Variants in SNX29 observed in about 807,000 individuals in gnomAD.
SNX29 encodes sorting nexin 29, also known as sorting nexin-29.
Under a neutral mutation model 102.1 loss-of-function variants are expected in SNX29, and 78 were observed. The observed-to-expected ratio is 0.76, with a 90% CI of 0.64 to 0.92. The LOEUF is 0.92. Ranked by LOEUF, SNX29 falls within the 40% of genes least tolerant of loss-of-function variation. The probability of loss-of-function intolerance (pLI) is 0.00; values close to 1 mark genes in which losing one functional copy is unlikely to be tolerated. For synonymous variants in SNX29, 580 were observed against 414.5 expected (o/e 1.40, Z -4.85); for missense variants, 1,280 against 1,061.7 (o/e 1.21, Z -2.86).
chr16:12,442,326 A>G (rs1223028601), intron 18 of SNX29, among the ~76,000 whole-genome samples: 1 of 152,108 alleles, frequency 6.6e-6, no homozygotes, highest in Non-Finnish European at 1.5e-5. Flanking sequence ...ACTCTGGCTT[A>G]TTAGGACGTC....
chr16:12,215,971 T>G (rs2077313478), intron 14 of SNX29, among the ~76,000 whole-genome samples: 2 of 152,166 alleles, frequency 1.3e-5, no homozygotes, highest in African/African-American at 2.4e-5. Flanking sequence ...TTTGGTGGTC[T>G]TTGCTGCCTT....
chr16:12,414,007 G>A (rs1339419381), intron 18 of SNX29, among the ~76,000 whole-genome samples: 2 of 152,190 alleles, frequency 1.3e-5, no homozygotes, highest in Non-Finnish European at 2.9e-5. Context: ...TCCTGTAGAT[G>A]CTAAGTCATC....
chr16:12,127,120 G>A (rs1219278927), intron 12 of SNX29, among the ~76,000 whole-genome samples: 55 of 151,832 alleles, frequency 3.6e-4, no homozygotes, highest in African/African-American at 1.3e-3. Flanking sequence ...TTAGCTGGGC[G>A]TGGTGCTGCG....
chr16:12,517,571 T>TC (rs145691762), intron 19 of SNX29, among the ~76,000 whole-genome samples: 1,773 of 152,274 alleles, frequency 0.012, 33 homozygotes, highest in African/African-American at 0.04. Flanking sequence ...CCTAATTTTA[T>TC]CCCAACAGGT....
chr16:12,432,933 G>A (rs776279711), intron 18 of SNX29, among the ~76,000 whole-genome samples: 47 of 152,334 alleles, frequency 3.1e-4, no homozygotes, highest in Non-Finnish European at 4.3e-4. Flanking sequence ...TTGGTGGACC[G>A]GACCTGGTGC....
At chr16:12,455,239 G>A (rs1042599841) in intron 18 of SNX29, among the ~76,000 whole-genome samples, 1 of 152,154 alleles carries the variant, frequency 6.6e-6, no homozygotes, top group African/African-American at 2.4e-5. Flanking sequence ...GATTTGGGTG[G>A]CAAGTTAGAG....
chr16:12,437,840 C>G (rs572682913), intron 18 of SNX29, among the ~76,000 whole-genome samples: 3 of 152,324 alleles, frequency 2.0e-5, no homozygotes, highest in Non-Finnish European at 4.4e-5. Context: ...TTCCAAACCA[C>G]TCTGGGGGGT....
chr16:12,336,319 G>A (rs866459897), intron 15 of SNX29, among the ~76,000 whole-genome samples: 3 of 152,186 alleles, frequency 2.0e-5, no homozygotes, highest in African/African-American at 4.8e-5. Flanking sequence ...CACAGAAGCC[G>A]TAAATAAATT....
intron 4 of SNX29, among the ~76,000 whole-genome samples, chr16:12,031,088 T>G (rs761479363): frequency 6.6e-6 from 1 of 152,026 alleles, no homozygotes; most frequent in Non-Finnish European, 1.5e-5. Flanking sequence ...TTTTTTTTTT[T>G]CTGAGACAAT....
chr16:12,227,865 AC>A (rs1309890888), intron 14 of SNX29, among the ~76,000 whole-genome samples: 1 of 135,772 alleles, frequency 7.4e-6, no homozygotes, highest in Non-Finnish European at 1.5e-5. Context: ...CAGCCAGTGC[AC>A]TGCAGCCTGG....
At position 12,513,701 on chromosome 16, in the gene SNX29, GT is replaced by G. The variant is rs1004756957; in HGVS notation, c.2179-10997del. Among the ~76,000 whole-genome samples, 23 of 152,300 alleles carry G rather than the reference GT, an allele frequency of 1.5e-4. No individual in the cohort carries two copies. In the South Asian group the frequency reaches 1.9e-3, roughly 12 times the overall value. On this transcript the variant is annotated intron_variant, in intron 19 of 20. Coordinates refer to ENST00000566228, the MANE Select transcript of SNX29 (RefSeq NM_032167.5). ...AAGTCCCAGTATAAAGATTAGAACA[GT>G]TTTCTTTTCTAAATTTGCAATTGTA...
chr16:12,399,698 G>A (rs12600177), intron 17 of SNX29, among the ~76,000 whole-genome samples: 5,110 of 152,208 alleles, frequency 0.034, 175 homozygotes, highest in East Asian at 0.19. Flanking sequence ...AGGGCATCAC[G>A]GGGCTATTCA....
chr16:12,030,213 T>A (rs1169311346), intron 4 of SNX29, among the ~76,000 whole-genome samples: 1 of 152,250 alleles, frequency 6.6e-6, no homozygotes, highest in Non-Finnish European at 1.5e-5. Context: ...TTGGCTCTTG[T>A]TTCTATGCAT....
At chr16:12,549,572 C>G (rs990368712) in intron 20 of SNX29, among the ~76,000 whole-genome samples, 1 of 152,198 alleles carries the variant, frequency 6.6e-6, no homozygotes, top group Non-Finnish European at 1.5e-5. Context: ...ACCCTGGGAC[C>G]CCAGCCCTAA....
intron 20 of SNX29, chr16:12,557,358 T>C (rs1245786020): frequency 2.0e-5 from 3 of 152,214 alleles, no homozygotes; most frequent in Non-Finnish European, 2.9e-5. Context: ...AGGGTGGAGA[T>C]GCTGAATGGT....
chr16:12,320,146 G>A (rs2080883961), intron 15 of SNX29, among the ~76,000 whole-genome samples: 1 of 152,112 alleles, frequency 6.6e-6, no homozygotes, highest in Non-Finnish European at 1.5e-5. Context: ...GACATAGTAC[G>A]CTTGAGAGAC....
At chr16:12,543,753 GATTTTCCAAGTTT>G (rs1198667058) in intron 20 of SNX29, among the ~76,000 whole-genome samples, 23 of 152,352 alleles carry the variant, frequency 1.5e-4, no homozygotes, top group South Asian at 8.3e-4. Flanking sequence ...GACTGGGGGA[GATTTTCCAAGTTT>G]ATTTTCCAAG....
chr16:12,262,069 C>G (rs141204792), intron 14 of SNX29, among the ~76,000 whole-genome samples: 1 of 147,696 alleles, frequency 6.8e-6, no homozygotes, highest in African/African-American at 2.5e-5. Flanking sequence ...TTGCTGAGCT[C>G]GGGTCTGTGC....
chr16:12,434,808 C>T (rs1042462173), intron 18 of SNX29, among the ~76,000 whole-genome samples: 22 of 152,028 alleles, frequency 1.4e-4, no homozygotes, highest in African/African-American at 3.9e-4. Flanking sequence ...AAGGCTAGAA[C>T]GGGGGGATGC....
Sources: gnomAD v4.1 joint callset for allele counts (sites outside exome capture counted in the v4.1 genomes callset) on GRCh38, gnomAD v4.1.1 for gene constraint, MANE v1.5 for transcripts, NCBI Gene and HGNC (gene_info 2026-07-23, HGNC 2026-07-21) for gene names.